EDN3: variants seen among roughly 807,000 people sequenced by gnomAD.
The protein encoded by EDN3 is endothelin 3.
In EDN3, 9 loss-of-function variants were observed where a neutral mutation model predicts 21.4. The ratio of observed to expected loss-of-function variants is 0.42; its 90% CI spans 0.25 to 0.73. EDN3 has a LOEUF of 0.73. EDN3 is among the 30% of genes least tolerant of loss of function. The pLI is 0.26. For synonymous variants in EDN3, 133 were observed against 126.2 expected, an observed-to-expected ratio of 1.05 and a Z score of -0.36; for missense variants, 327 against 309.4, an observed-to-expected ratio of 1.06 and a Z score of -0.43.
At position 59,301,494 on chromosome 20, in the gene EDN3, G is replaced by A. The variant is rs777826972; in HGVS notation, c.137G>A (p.Cys46Tyr). Residue 46 changes from cysteine (C) to tyrosine (Y), a missense_variant, in exon 2 of 5, where the codon TGT becomes TAT. By Grantham distance (194) the Cys-to-Tyr change is radical (BLOSUM62 -2). Coordinates refer to ENST00000337938, the MANE Select transcript of EDN3 (RefSeq NM_207034.3). The part of the protein sequence containing the change: ...APTAARSEGD[C>Y]EETVAGPGEE... ...ACTGCAGCCAGATCTGAGGGGGACT[G>A]TGAAGAGACTGTGGCTGGCCCTGGC... is the stretch of plus-strand genomic sequence containing the variant. 2 of 1,613,822 alleles carry A rather than the reference G, an allele frequency of 1.2e-6. No individual in the cohort carries two copies. The highest frequency in any genetic ancestry group is 3.3e-5 in the Admixed American group (2 of 60,032).
intron 1 of EDN3, 64 bp downstream of exon 1, chr20:59,300,928 G>C (rs1177840411): frequency 6.4e-7 from 1 of 1,571,126 alleles, no homozygotes; most frequent in Non-Finnish European, 8.6e-7. Context: ...CAGGGCGGGG[G>C]ACCCGAGGCG....
chr20:59,310,209 C>A (rs1372659433), intron 2 of EDN3, among the ~76,000 whole-genome samples: 2 of 152,152 alleles, frequency 1.3e-5, no homozygotes, highest in East Asian at 1.9e-4. Flanking sequence ...ACGGCACCAC[C>A]CCGCGTTCCA....
At chr20:59,307,237 C>A (rs1989494416) in intron 2 of EDN3, among the ~76,000 whole-genome samples, 1 of 152,150 alleles carries the variant, frequency 6.6e-6, no homozygotes, top group Non-Finnish European at 1.5e-5. Context: ...AGTCTTTCTG[C>A]CATCATGGTT....
intron 4 of EDN3, chr20:59,323,836 G>T (rs1250411815): frequency 2.1e-6 from 1 of 480,200 alleles, no homozygotes. Flanking sequence ...GATTATTACT[G>T]TTCTATGTCA....
intron 2 of EDN3, among the ~76,000 whole-genome samples, chr20:59,308,894 G>C (rs1989606422): frequency 6.6e-6 from 1 of 152,140 alleles, no homozygotes; most frequent in Non-Finnish European, 1.5e-5. Context: ...TTAGCTCCTG[G>C]AGTGCCCCGG....
At chr20:59,301,822 G>A in intron 2 of EDN3, 100 bp downstream of exon 2, 2 of 1,357,630 alleles carry the variant, frequency 1.5e-6, no homozygotes, top group African/African-American at 2.9e-5. Context: ...CGCTCAGTTA[G>A]CCCAGAGCCT....
At chr20:59,313,353 G>T (rs1989956066) in intron 2 of EDN3, among the ~76,000 whole-genome samples, 1 of 152,192 alleles carries the variant, frequency 6.6e-6, no homozygotes, top group African/African-American at 2.4e-5. Flanking sequence ...CTGAGCCAGG[G>T]GGTTGTGCCT....
chr20:59,324,567 A>G lies in EDN3; in HGVS notation c.*108A>G. The G allele has an allele frequency of 6.6e-7, 1 of 1,515,970 alleles. No homozygotes were observed. The highest frequency in any genetic ancestry group is 1.1e-5 in the South Asian group (1 of 87,920). The allele number at this position is 1,515,970 out of a possible 1,614,324, so 93.9% of individuals were successfully genotyped here. A position where few individuals can be genotyped will look rare whatever the true frequency, so the allele number is the denominator to read the frequency against. ...AAGAAGTGAATTTGCCTGGGGCAGA[A>G]CACCCACCCAAAGAGTCCCCACTTA... On this transcript the variant is annotated 3_prime_UTR_variant, in exon 5 of 5. Transcript: ENST00000337938.
In EDN3 at chr20:59,322,414, G is replaced by T; in HGVS notation, c.585G>T (p.Gly195=). The T allele has an allele frequency of 1.2e-6, 2 of 1,614,234 alleles. No individual in the cohort carries two copies. The highest frequency in any genetic ancestry group is 1.7e-6 in the Non-Finnish European group (2 of 1,180,042). ...TAEKTDKEEE[G]KVEVKDQQSK... is the part of the protein sequence containing the mutation. ...AAAAAACAGACAAAGAAGAGGAAGG[G>T]AAGGTGAGAGGTGCCAACAGAGGCC... is the stretch of plus-strand genomic sequence containing the variant. The change falls in exon 4 of 5, where the codon GGG becomes GGT. Residue 195 remains glycine (G), a synonymous_variant. Coordinates refer to ENST00000337938, the MANE Select transcript of EDN3 (RefSeq NM_207034.3). The surrounding 1 kb of genome is among the most constrained non-coding windows in gnomAD (Gnocchi z 4.1).
In EDN3 at chr20:59,324,752, T is replaced by G; in HGVS notation, c.*293T>G. Reference sequence around the variant, plus strand: ...GAGTTTTGGCAAGTTGGAAAGCCACTTACTGGCTTTTGACATGACTTCTCT... The same window carrying G: ...GAGTTTTGGCAAGTTGGAAAGCCACGTACTGGCTTTTGACATGACTTCTCT... On this transcript the variant is annotated 3_prime_UTR_variant, in exon 5 of 5. Coordinates refer to ENST00000337938, the MANE Select transcript of EDN3 (RefSeq NM_207034.3). The G allele has an allele frequency of 1.3e-5, 6 of 466,810 alleles. No individual in the cohort carries two copies. The highest frequency in any genetic ancestry group is 4.1e-5 in the East Asian group (1 of 24,392). 28.9% of individuals were successfully genotyped at this position (466,810 alleles called of 1,614,324 possible). A position where few individuals can be genotyped will look rare whatever the true frequency, so the allele number is the denominator to read the frequency against.
Position 59,324,691 on chromosome 20 carries a change from T to A in EDN3, c.*232T>A. The A allele has an allele frequency of 1.7e-6, 1 of 587,404 alleles. No individual in the cohort carries two copies. The highest frequency in any genetic ancestry group is 3.0e-6 in the Non-Finnish European group (1 of 334,562). The allele number at this position is 587,404 out of a possible 1,614,324, so 36.4% of individuals were successfully genotyped here. Reference sequence around the variant, plus strand: ...CAGATGTGCCCCAGAGCATGACGCCTGCAGCTCCGGTTTCATGCAGGAAAT... The same window carrying A: ...CAGATGTGCCCCAGAGCATGACGCCAGCAGCTCCGGTTTCATGCAGGAAAT... On this transcript the variant is annotated 3_prime_UTR_variant, in exon 5 of 5. Transcript: ENST00000337938.
intron 2 of EDN3, among the ~76,000 whole-genome samples, chr20:59,320,721 C>T (rs532010525): frequency 3.5e-4 from 54 of 152,372 alleles, no homozygotes; most frequent in Middle Eastern, 3.4e-3. Flanking sequence ...CAAGTGCAGG[C>T]ACACATGCCC....
chr20:59,302,059 C>A (rs1239178266), intron 2 of EDN3, among the ~76,000 whole-genome samples: 1 of 152,166 alleles, frequency 6.6e-6, no homozygotes, highest in African/African-American at 2.4e-5. Flanking sequence ...ATAGAGAAAG[C>A]CCCGAAAGTT....
Position 59,300,871 on chromosome 20 carries a change from G to C in EDN3, c.52+7G>C, listed in dbSNP as rs565272361. 5 of 1,610,092 alleles carry C rather than the reference G, an allele frequency of 3.1e-6. No homozygotes were observed. The Admixed American group carries it at 5.0e-5, about 16-fold the overall frequency. On this transcript the variant is annotated splice_region_variant and intron_variant, in intron 1 of 4. Transcript: ENST00000337938. ...ACAGTGACCTCCGCCGCAGGTAAGC[G>C]CACGGGGCGGCGCGCCTCTCCTGGC...
chr20:59,316,645 C>T lies in EDN3; in HGVS notation c.366-4372C>T, dbSNP rs541475980. 7.2e-5 allele frequency among the ~76,000 whole-genome samples: 11 copies of T among 152,240 alleles called. No homozygotes were observed. The East Asian group carries it at 1.5e-3, about 21-fold the overall frequency. Reference sequence around the variant, plus strand: ...AAACTTCTTGTAGAGAGAAATAAAGCGTTTTCAGTGTGGTGTTGCAGATGA... The same window carrying T: ...AAACTTCTTGTAGAGAGAAATAAAGTGTTTTCAGTGTGGTGTTGCAGATGA... On this transcript the variant is annotated intron_variant, in intron 2 of 4. Coordinates refer to ENST00000337938, the MANE Select transcript of EDN3 (RefSeq NM_207034.3).
At chr20:59,321,879 G>A (rs1410519727) in intron 3 of EDN3, among the ~76,000 whole-genome samples, 1 of 152,172 alleles carries the variant, frequency 6.6e-6, no homozygotes, top group East Asian at 1.9e-4. Context: ...CTTTGAGCTG[G>A]TATTCACATA....
intron 1 of EDN3, 148 bp downstream of exon 1, chr20:59,301,012 T>C: frequency 1.0e-6 from 1 of 1,001,240 alleles, no homozygotes; most frequent in South Asian, 1.6e-5. Context: ...GGGGGAGGGC[T>C]GGGGAGCAGA....
intron 2 of EDN3, among the ~76,000 whole-genome samples, chr20:59,302,044 C>G (rs1302122923): frequency 6.6e-6 from 1 of 152,174 alleles, no homozygotes; most frequent in Non-Finnish European, 1.5e-5. Context: ...AGCCTCTTTT[C>G]TGAGATAGAG....
intron 2 of EDN3, among the ~76,000 whole-genome samples, chr20:59,317,081 C>A (rs171969): frequency 6.6e-6 from 1 of 152,054 alleles, no homozygotes; most frequent in South Asian, 2.1e-4. Context: ...AAAGGTTCTC[C>A]GCCAATTTCA....
Sources: gnomAD v4.1 joint callset for allele counts (sites outside exome capture counted in the v4.1 genomes callset) on GRCh38, gnomAD v4.1.1 for gene constraint, Gnocchi (gnomAD v3.1) non-coding constraint, MANE v1.5 for transcripts, NCBI Gene and HGNC (gene_info 2026-07-23, HGNC 2026-07-21) for gene names.